DENND1B: variants seen among roughly 807,000 people sequenced by gnomAD.
DENND1B encodes the protein DENN domain-containing protein 1B.
DENND1B carries 59 observed loss-of-function variants against 90.1 expected under a neutral mutation model. That is an observed-to-expected ratio of 0.65 (90% CI 0.53 to 0.81). The LOEUF (loss-of-function observed/expected upper bound fraction) is 0.81. Ranked by LOEUF, DENND1B falls within the 40% of genes least tolerant of loss-of-function variation. The pLI is 0.00. For synonymous variants in DENND1B, 337 were observed against 324.6 expected (o/e 1.04, Z -0.41); for missense variants, 862 against 912.6 (o/e 0.94, Z 0.71).
In DENND1B at chr1:197,510,167, T is replaced by G; in HGVS notation, c.*293A>C. 2.9e-6 allele frequency: 1 copy of G among 347,750 alleles called. No homozygotes were observed. The highest frequency in any genetic ancestry group is 5.2e-6 in the Non-Finnish European group (1 of 190,624). 21.5% of individuals were successfully genotyped at this position (347,750 alleles called of 1,614,324 possible). A position where few individuals can be genotyped will look rare whatever the true frequency, so the allele number is the denominator to read the frequency against. On this transcript the variant is annotated 3_prime_UTR_variant, in exon 23 of 23. Transcript: ENST00000620048. ...ATGTGCATGGGTTACATATGCATTC[T>G]TAGCTTAAATAAAATAAACGGCATT...
chr1:197,751,975 A>G (rs574836726), intron 2 of DENND1B, among the ~76,000 whole-genome samples: 12 of 94,812 alleles, frequency 1.3e-4, no homozygotes, highest in African/African-American at 4.3e-4. Flanking sequence ...GAGGAGGAGA[A>G]GGAGAAGAAG....
At chr1:197,624,191 A>T (rs1372075984) in intron 10 of DENND1B, among the ~76,000 whole-genome samples, 1 of 151,714 alleles carries the variant, frequency 6.6e-6, no homozygotes, top group Non-Finnish European at 1.5e-5. Flanking sequence ...TACAATATTC[A>T]AAACAGTGTA....
chr1:197,724,299 T>C (rs1661435045), intron 2 of DENND1B, among the ~76,000 whole-genome samples: 1 of 152,032 alleles, frequency 6.6e-6, no homozygotes, highest in Admixed American at 6.6e-5. Flanking sequence ...AAACAAAACA[T>C]CAAAGAACCA....
At chr1:197,545,396 C>A (rs1388663143) in intron 18 of DENND1B, among the ~76,000 whole-genome samples, 1 of 151,108 alleles carries the variant, frequency 6.6e-6, no homozygotes, top group East Asian at 1.9e-4. Context: ...CAGAGCGAGA[C>A]TTCGTCTCAA....
chr1:197,526,147 A>G (rs1263163912), intron 20 of DENND1B, among the ~76,000 whole-genome samples: 2 of 152,086 alleles, frequency 1.3e-5, no homozygotes. Flanking sequence ...ATACCCCCAT[A>G]GTTAGAGATC....
In DENND1B at chr1:197,643,557, C is replaced by G; in HGVS notation, c.562-736G>C. 1.3e-5 allele frequency among the ~76,000 whole-genome samples: 2 copies of G among 152,270 alleles called. 1 individual carries two copies. The highest frequency in any genetic ancestry group is 4.1e-4 in the South Asian group (2 of 4,824). On this transcript the variant is annotated intron_variant, in intron 9 of 22. Coordinates refer to ENST00000620048, the MANE Select transcript of DENND1B (RefSeq NM_001195215.2). ...ATACATTTGAGTCTTTTCATGTTTG[C>G]CATTCACTATGCAGGCACAATCATC...
intron 15 of DENND1B, among the ~76,000 whole-genome samples, chr1:197,579,372 T>C (rs1186627880): frequency 6.6e-6 from 1 of 152,190 alleles, no homozygotes; most frequent in Non-Finnish European, 1.5e-5. Context: ...GATTCCATTG[T>C]TGCTGCTGTG....
chr1:197,680,197 CTCTA>C (rs34520588), intron 3 of DENND1B, among the ~76,000 whole-genome samples: 29,393 of 151,872 alleles, frequency 0.19, 3,027 homozygotes, highest in Middle Eastern at 0.32. Context: ...AATTACCCAG[CTCTA>C]TCTAAGAAAA....
intron 16 of DENND1B, chr1:197,552,538 T>C (rs908762254): frequency 1.8e-5 from 18 of 985,566 alleles, no homozygotes; most frequent in Middle Eastern, 5.2e-4. Context: ...CAGTGATCTA[T>C]AAAGTCAAAA....
intron 10 of DENND1B, among the ~76,000 whole-genome samples, chr1:197,632,797 T>C (rs560132402): frequency 2.0e-5 from 3 of 152,188 alleles, no homozygotes; most frequent in Non-Finnish European, 4.4e-5. Context: ...TGGGGTACCA[T>C]ATGCCACTGA....
chr1:197,580,191 A>AT (rs1227180319), intron 15 of DENND1B, among the ~76,000 whole-genome samples: 3 of 139,848 alleles, frequency 2.1e-5, no homozygotes, highest in African/African-American at 8.1e-5. Context: ...TCCCAGGTAC[A>AT]TGCCATTTTC....
At chr1:197,642,431 A>G (rs539735922) in intron 10 of DENND1B, among the ~76,000 whole-genome samples, 1 of 152,274 alleles carries the variant, frequency 6.6e-6, no homozygotes, top group South Asian at 2.1e-4. Context: ...AATTCTTTAT[A>G]TGGTAGAAGG....
intron 6 of DENND1B, among the ~76,000 whole-genome samples, chr1:197,657,703 A>C (rs954680913): frequency 2.0e-5 from 3 of 152,192 alleles, no homozygotes; most frequent in Non-Finnish European, 2.9e-5. Context: ...TGATTCCTCA[A>C]AAAATTAAAT....
intron 10 of DENND1B, among the ~76,000 whole-genome samples, chr1:197,627,652 C>G (rs1678895437): frequency 1.3e-5 from 2 of 151,918 alleles, no homozygotes; most frequent in South Asian, 2.1e-4. Flanking sequence ...CACTCCTATT[C>G]AACATAGAGT....
At chr1:197,586,440 T>C (rs2125783417) in intron 14 of DENND1B, among the ~76,000 whole-genome samples, 1 of 152,292 alleles carries the variant, frequency 6.6e-6, no homozygotes, top group Non-Finnish European at 1.5e-5. Context: ...ATACCTCACA[T>C]AAATTAAGGT....
chr1:197,652,239 C>A lies in DENND1B; in HGVS notation c.443G>T (p.Ser148Ile), dbSNP rs747740394. 1.2e-6 allele frequency: 2 copies of A among 1,609,632 alleles called. No homozygotes were observed. The highest frequency in any genetic ancestry group is 1.3e-5 in the African/African-American group (1 of 74,530). Residue 148 changes from serine to isoleucine, a missense_variant, in exon 7 of 23, where the codon AGT becomes ATT. Transcript: ENST00000620048. ...AATTACTGATTGAATACTTACCACA[C>A]TCAAATTTACAGGAGTATTTGCCTT... ...VPKANTPVNL[S>I]VNQEIFIACE...
intron 15 of DENND1B, among the ~76,000 whole-genome samples, chr1:197,577,970 TA>T (rs1446690683): frequency 1.3e-5 from 2 of 152,134 alleles, no homozygotes; most frequent in African/African-American, 2.4e-5. Context: ...GTATAAACAT[TA>T]AAAATATATA....
rs1178854918 is a variant in DENND1B, at chr1:197,509,011, T to C, written c.*1449A>G. On this transcript the variant is annotated 3_prime_UTR_variant, in exon 23 of 23. Transcript: ENST00000620048. ...GCATGTAGTGACTTCCTTCCAAAAA[T>C]GACAGCATGGAAAGGGCAGGAAGAA... 4 of 151,880 alleles carry C rather than the reference T, an allele frequency of 2.6e-5. No homozygotes were observed. The highest frequency in any genetic ancestry group is 7.2e-5 in the African/African-American group (3 of 41,478). 9.4% of individuals were successfully genotyped at this position (151,880 alleles called of 1,614,324 possible). A position where few individuals can be genotyped will look rare whatever the true frequency, so the allele number is the denominator to read the frequency against.
intron 2 of DENND1B, among the ~76,000 whole-genome samples, chr1:197,733,471 C>G (rs981905938): frequency 1.3e-5 from 2 of 152,314 alleles, no homozygotes; most frequent in Admixed American, 1.3e-4. Context: ...AACCCTTCAC[C>G]TTCCAGGAAA....
Sources: allele counts gnomAD v4.1 joint callset (sites outside exome capture counted in the v4.1 genomes callset), GRCh38; gene constraint gnomAD v4.1.1; transcripts MANE v1.5; gene names NCBI Gene and HGNC (gene_info 2026-07-23, HGNC 2026-07-21).